The following SMCHD1 variants were observed in gnomAD, a reference collection of about 807,000 sequenced individuals.
SMCHD1 encodes the protein structural maintenance of chromosomes flexible hinge domain containing 1.
Under a neutral mutation model 254.7 loss-of-function variants are expected in SMCHD1, and 78 were observed. That is an observed-to-expected ratio of 0.31 (90% CI 0.26 to 0.37). The LOEUF (loss-of-function observed/expected upper bound fraction) is 0.37, where lower values mean the gene tolerates loss of function less well. Ranked by LOEUF, SMCHD1 falls within the 10% of genes least tolerant of loss-of-function variation. The pLI, the probability that SMCHD1 is intolerant of heterozygous loss-of-function variation, is 1.00. For synonymous variants in SMCHD1, 766 were observed against 794.9 expected (o/e 0.96, Z 0.61); for missense variants, 1,840 against 2,408.1 (o/e 0.76, Z 4.94).
chr18:2,697,809 T>A, intron 9 of SMCHD1, 22 bp from the exon 10 acceptor site: 3 of 1,487,882 alleles, frequency 2.0e-6, no homozygotes, highest in Admixed American at 1.7e-5. Flanking sequence ...ATTTAATTAT[T>A]TTTGTTTCCT....
chr18:2,697,186 C>A, intron 9 of SMCHD1, 64 bp downstream of exon 9: 1 of 782,856 alleles, frequency 1.3e-6, no homozygotes, highest in Admixed American at 3.5e-5. Context: ...TTCCAAATGA[C>A]TCAGGATAAT....
intron 44 of SMCHD1, among the ~76,000 whole-genome samples, chr18:2,780,009 G>A (rs1431878881): frequency 6.6e-6 from 1 of 152,034 alleles, no homozygotes; most frequent in Non-Finnish European, 1.5e-5. Flanking sequence ...CGAGGCCAAG[G>A]TAGGGGATCA....
Position 2,675,652 on chromosome 18 carries a change from C to CA in SMCHD1, c.638+1508dup, listed in dbSNP as rs2073730561. Among the ~76,000 whole-genome samples, 3 of 152,178 alleles carry CA rather than the reference C, an allele frequency of 2.0e-5. No homozygotes were observed. The South Asian group carries it at 6.2e-4, about 32-fold the overall frequency. On this transcript the variant is annotated intron_variant, in intron 5 of 47. Coordinates refer to ENST00000320876, the MANE Select transcript of SMCHD1 (RefSeq NM_015295.3). ...AAAAAGCCAGGGAGAAGGCAAAGAC[C>CA]ACTGTCTTTGATAGTGTGAGGATAG...
At position 2,700,805 on chromosome 18, in the gene SMCHD1, G is replaced by A; in HGVS notation, c.1534G>A (p.Ala512Thr). 12 of 1,613,408 alleles carry A rather than the reference G, an allele frequency of 7.4e-6. No individual in the cohort carries two copies. Among genetic ancestry groups the A allele is most frequent in the South Asian group, 1.1e-5 (1 of 91,034 alleles). ...PIECYNRISG[A>T]LFTNDKFQVS... ...TGAATGCTACAATAGGATATCTGGT[G>A]CATTATTCACTAATGACAAATTCCA... The change falls in exon 12 of 48, where the codon GCA (alanine) becomes ACA (threonine). Residue 512 changes from alanine (A) to threonine (T), a missense_variant. This residue lies in a region of SMCHD1 where 498 missense variants were observed against 743.5 expected (regional missense o/e 0.67). Coordinates refer to ENST00000320876, the MANE Select transcript of SMCHD1 (RefSeq NM_015295.3).
At chr18:2,799,684 T>C (rs1326797775) in intron 47 of SMCHD1, among the ~76,000 whole-genome samples, 2 of 152,236 alleles carry the variant, frequency 1.3e-5, no homozygotes, top group Non-Finnish European at 2.9e-5. Context: ...TACTCTGTTA[T>C]TCTTAAAATC....
At chr18:2,656,955 G>A (rs1440032757) in intron 1 of SMCHD1, among the ~76,000 whole-genome samples, 9 of 152,182 alleles carry the variant, frequency 5.9e-5, no homozygotes, top group Admixed American at 5.9e-4. Flanking sequence ...CCTACCCCGT[G>A]TATTGGTTCG....
In SMCHD1 at chr18:2,688,411, T is replaced by A; in HGVS notation, c.656T>A (p.Val219Asp). Residue 219 changes from valine to aspartate, a missense_variant, in exon 6 of 48, where the codon GTT becomes GAT. Transcript: ENST00000320876. Reference sequence around the variant, plus strand: ...TATTTTAGTGATCATTCAGGATATGTTCGTCCAGTACCAGTGCCACGCAGT... The same window carrying A: ...TATTTTAGTGATCATTCAGGATATGATCGTCCAGTACCAGTGCCACGCAGT... ...GDFESDHSGYVRPVPVPRSLN... is the reference protein window; with the variant it reads ...GDFESDHSGYDRPVPVPRSLN... 1 of 1,612,760 alleles carries A rather than the reference T, an allele frequency of 6.2e-7. No individual in the cohort carries two copies. Among genetic ancestry groups the A allele is most frequent in the South Asian group, 1.1e-5 (1 of 91,056 alleles).
chr18:2,665,734 G>T (rs913442413), intron 1 of SMCHD1, among the ~76,000 whole-genome samples: 2 of 152,114 alleles, frequency 1.3e-5, no homozygotes, highest in Non-Finnish European at 2.9e-5. Context: ...GCTAACTTCT[G>T]TTTTCTTCTA....
chr18:2,728,754 T>C (rs1261826353), intron 23 of SMCHD1, 158 bp downstream of exon 23: 2 of 551,244 alleles, frequency 3.6e-6, no homozygotes, highest in East Asian at 3.8e-5. Context: ...TTTTTTTTTT[T>C]AATCGTACCT....
chr18:2,785,880 C>A (rs1315360853), intron 45 of SMCHD1, among the ~76,000 whole-genome samples: 1 of 152,132 alleles, frequency 6.6e-6, no homozygotes, highest in African/African-American at 2.4e-5. Context: ...TGGCTAATTT[C>A]ACTTGGCATA....
intron 31 of SMCHD1, 83 bp downstream of exon 31, chr18:2,750,205 TC>T: frequency 7.0e-7 from 1 of 1,430,390 alleles, no homozygotes; most frequent in East Asian, 2.4e-5. Flanking sequence ...CTAATGACTA[TC>T]CTTCTGTTTA....
At chr18:2,772,434 G>A in intron 41 of SMCHD1, 62 bp downstream of exon 41, 1 of 1,377,074 alleles carries the variant, frequency 7.3e-7, no homozygotes, top group Non-Finnish European at 9.5e-7. Context: ...GTTTAAAACG[G>A]GTCTTCTAAA....
intron 5 of SMCHD1, among the ~76,000 whole-genome samples, chr18:2,685,361 A>C (rs1430477570): frequency 6.6e-6 from 1 of 151,962 alleles, no homozygotes; most frequent in Non-Finnish European, 1.5e-5. Flanking sequence ...GGCCTCCCAA[A>C]GTGCTGGGAT....
At chr18:2,795,304 G>T (rs902296537) in intron 45 of SMCHD1, among the ~76,000 whole-genome samples, 8 of 137,704 alleles carry the variant, frequency 5.8e-5, no homozygotes, top group Non-Finnish European at 1.3e-4. Flanking sequence ...TGATCCACCC[G>T]CCTTGGAACC....
chr18:2,776,625 C>T (rs1380567369), intron 42 of SMCHD1, among the ~76,000 whole-genome samples: 2 of 152,074 alleles, frequency 1.3e-5, no homozygotes, highest in Admixed American at 6.6e-5. Flanking sequence ...ATTTATTAGT[C>T]AGTATTTTCT....
chr18:2,675,601 A>G (rs1381035812), intron 5 of SMCHD1, among the ~76,000 whole-genome samples: 1 of 152,042 alleles, frequency 6.6e-6, no homozygotes, highest in East Asian at 1.9e-4. Context: ...CCATTTTCAT[A>G]AATATGTGGC....
rs886951727 is a variant in SMCHD1, at chr18:2,770,634, GT to G, written c.4966+535del. ...TGTTTAGTTTTGTTTTCTGTTTTTT[GT>G]TTTTTTTTGAGACACAGTCTCTGTC... On this transcript the variant is annotated intron_variant, in intron 39 of 47. Coordinates refer to ENST00000320876, the MANE Select transcript of SMCHD1 (RefSeq NM_015295.3). Among the ~76,000 whole-genome samples, 38 of 150,596 alleles carry G rather than the reference GT, an allele frequency of 2.5e-4. No individual in the cohort carries two copies. In the South Asian group the frequency reaches 4.4e-3, roughly 18 times the overall value.
In SMCHD1 at chr18:2,697,091, A is replaced by C; in HGVS notation, c.1100A>C (p.Glu367Ala). The change falls in exon 9 of 48, where the codon GAA (glutamate) becomes GCA (alanine). Residue 367 changes from glutamate to alanine, a missense_variant. Around this residue, in one of 9 missense-constraint regions of SMCHD1, gnomAD observed 498 missense variants for 743.5 expected, o/e 0.67. Transcript: ENST00000320876. ...GGAAATGAAATACGAACATCAAAAG[A>C]AGTTGAACCTTTCAACAATATTGAT... ...PKGNEIRTSK[E>A]VEPFNNIDIE... 1.3e-6 allele frequency: 2 copies of C among 1,502,446 alleles called. No homozygotes were observed. The highest frequency in any genetic ancestry group is 1.8e-6 in the Non-Finnish European group (2 of 1,117,894). 93.1% of individuals were successfully genotyped at this position (1,502,446 alleles called of 1,614,324 possible). A position where few individuals can be genotyped will look rare whatever the true frequency, so the allele number is the denominator to read the frequency against.
chr18:2,689,145 A>G (rs1175006670), intron 7 of SMCHD1, among the ~76,000 whole-genome samples: 1 of 152,106 alleles, frequency 6.6e-6, no homozygotes, highest in Non-Finnish European at 1.5e-5. Flanking sequence ...ACAAATTTGA[A>G]TCTTGGTGGC....
Sources: allele counts gnomAD v4.1 joint callset (sites outside exome capture counted in the v4.1 genomes callset), GRCh38; gene constraint gnomAD v4.1.1; regional missense constraint gnomAD v4.1.1; transcripts MANE v1.5; gene names NCBI Gene and HGNC (gene_info 2026-07-23, HGNC 2026-07-21).